Variants in HNRNPD observed in about 807,000 individuals in gnomAD.
HNRNPD encodes the protein heterogeneous nuclear ribonucleoprotein D0.
In HNRNPD, 3 loss-of-function variants were observed where a neutral mutation model predicts 47.9. The observed-to-expected ratio is 0.06, with a 90% CI of 0.03 to 0.16. The LOEUF (loss-of-function observed/expected upper bound fraction) is 0.16. Among genes scored for constraint, HNRNPD ranks in the 10% least tolerant of loss-of-function variants. The pLI, the probability that HNRNPD is intolerant of heterozygous loss-of-function variation, is 1.00. For synonymous variants in HNRNPD, 171 were observed against 165.1 expected (o/e 1.04, Z -0.28); for missense variants, 287 against 454.2 (o/e 0.63, Z 3.35).
At chr4:82,370,979 T>TATAC (rs1268451054) in intron 2 of HNRNPD, among the ~76,000 whole-genome samples, 1 of 78,200 alleles carries the variant, frequency 1.3e-5, no homozygotes, top group South Asian at 5.4e-4. Context: ...ATGGTATATA[T>TATAC]ATACACACAC....
In HNRNPD at chr4:82,373,837, C is replaced by T. The variant is rs1720282146; in HGVS notation, c.-159G>A. The T allele has an allele frequency of 6.9e-7, 1 of 1,457,028 alleles. No individual in the cohort carries two copies. Among genetic ancestry groups the T allele is most frequent in the South Asian group, 1.3e-5 (1 of 75,784 alleles). The allele number at this position is 1,457,028 out of a possible 1,614,324, so 90.3% of individuals were successfully genotyped here. A position where few individuals can be genotyped will look rare whatever the true frequency, so the allele number is the denominator to read the frequency against. The stretch of plus-strand genomic sequence containing the variant: ...GCGCGTGGCTGCAAAGGCTCCTGCG[C>T]CTCTCCCTGGCCTGCCCCCTTCGCC... On this transcript the variant is annotated 5_prime_UTR_variant, in exon 1 of 9. Transcript: ENST00000313899.
chr4:82,355,527 CCT>C (rs1723678644), intron 7 of HNRNPD, 126 bp from the exon 8 acceptor site: 4 of 671,620 alleles, frequency 6.0e-6, no homozygotes, highest in Admixed American at 5.6e-5. Flanking sequence ...AAAAATTCAC[CCT>C]GAGCAATCAT....
chr4:82,355,145 G>C, intron 8 of HNRNPD, 159 bp downstream of exon 8: 1 of 604,494 alleles, frequency 1.7e-6, no homozygotes, highest in Non-Finnish European at 2.9e-6. Flanking sequence ...AAAAGCTTAA[G>C]AGCACCTGTG....
chr4:82,355,376 T>C lies in HNRNPD; in HGVS notation c.1026A>G (p.Val342=). 1 of 1,613,754 alleles carries C rather than the reference T, an allele frequency of 6.2e-7. No individual in the cohort carries two copies. The highest frequency in any genetic ancestry group is 8.5e-7 in the Non-Finnish European group (1 of 1,179,754). The change falls in exon 8 of 9, where the codon GTA becomes GTG. Residue 342 remains valine (V), a synonymous_variant. Transcript: ENST00000313899. ...TATTTTGATGACCACCTCGCCTGGA[T>C]ACCTTCCCATAACCACTCTGCTGGT... The part of the protein sequence containing the change: ...YSNQQSGYGK[V]SRRGGHQNSY...
At chr4:82,367,365 T>C (rs1423449375) in intron 2 of HNRNPD, among the ~76,000 whole-genome samples, 3 of 152,192 alleles carry the variant, frequency 2.0e-5, no homozygotes, top group South Asian at 2.1e-4. Flanking sequence ...ATATTCACAA[T>C]TCTATAAAAC....
At chr4:82,370,981 T>TACACACACAC (rs1553896641) in intron 2 of HNRNPD, among the ~76,000 whole-genome samples, 8,625 of 149,396 alleles carry the variant, frequency 0.058, 303 homozygotes, top group Non-Finnish European at 0.089. Flanking sequence ...GGTATATATA[T>TACACACACAC]ACACACACAC....
In HNRNPD at chr4:82,353,414, A is replaced by G. The variant is rs1279137806; in HGVS notation, c.*771T>C. Reference sequence around the variant, plus strand: ...ACAGCTCTAAAAATCTCTCTGAACTAGCCGCATTTCTATTATAATTAACAG... The same window carrying G: ...ACAGCTCTAAAAATCTCTCTGAACTGGCCGCATTTCTATTATAATTAACAG... On this transcript the variant is annotated 3_prime_UTR_variant, in exon 9 of 9. Coordinates refer to ENST00000313899, the MANE Select transcript of HNRNPD (RefSeq NM_031370.3). The G allele has an allele frequency of 6.6e-6, 1 of 152,300 alleles. No homozygotes were observed. Among genetic ancestry groups the G allele is most frequent in the Non-Finnish European group, 1.5e-5 (1 of 68,020 alleles). The allele number at this position is 152,300 out of a possible 1,614,324, so 9.4% of individuals were successfully genotyped here. A position where few individuals can be genotyped will look rare whatever the true frequency, so the allele number is the denominator to read the frequency against.
chr4:82,365,916 T>C (rs1052984147), intron 2 of HNRNPD, among the ~76,000 whole-genome samples: 1 of 151,650 alleles, frequency 6.6e-6, no homozygotes, highest in Non-Finnish European at 1.5e-5. Context: ...AGCCCACTTT[T>C]TTTAACTATT....
At chr4:82,361,971 T>C (rs548854861) in intron 2 of HNRNPD, among the ~76,000 whole-genome samples, 30 of 152,356 alleles carry the variant, frequency 2.0e-4, no homozygotes, top group African/African-American at 6.7e-4. Context: ...CCAGCACTTT[T>C]GGAGAATAAG....
intron 4 of HNRNPD, 191 bp downstream of exon 4, chr4:82,358,468 C>A: frequency 1.8e-6 from 1 of 541,008 alleles, no homozygotes; most frequent in Non-Finnish European, 3.2e-6. Context: ...AGAGTAGGTG[C>A]TCAATGAGAA....
chr4:82,358,436 C>G (rs1405454755), intron 4 of HNRNPD: 1 of 421,824 alleles, frequency 2.4e-6, no homozygotes, highest in Non-Finnish European at 4.2e-6. Context: ...TTTGTATACT[C>G]TACCCCAGCA....
At chr4:82,373,352 G>T in intron 1 of HNRNPD, 94 bp downstream of exon 1, 2 of 1,472,832 alleles carry the variant, frequency 1.4e-6, no homozygotes, top group South Asian at 1.4e-5. Flanking sequence ...CCCGGAGAAC[G>T]GGCTGAGAGC....
At chr4:82,361,753 T>G (rs992902461) in intron 2 of HNRNPD, among the ~76,000 whole-genome samples, 3 of 152,196 alleles carry the variant, frequency 2.0e-5, no homozygotes, top group Non-Finnish European at 2.9e-5. Context: ...CCCAAATGTT[T>G]TTCAGACAAG....
chr4:82,373,667 C>T lies in HNRNPD; in HGVS notation c.12G>A (p.Glu4=). 3 of 1,529,460 alleles carry T rather than the reference C, an allele frequency of 2.0e-6. No homozygotes were observed. The highest frequency in any genetic ancestry group is 2.6e-6 in the Non-Finnish European group (3 of 1,144,660). 94.7% of individuals were successfully genotyped at this position (1,529,460 alleles called of 1,614,324 possible). A position where few individuals can be genotyped will look rare whatever the true frequency, so the allele number is the denominator to read the frequency against. ...CCGCCGCCCCGTCCCCGCCGAACTG[C>T]TCCTCCGACATAGTGCTAGTGTCTC... The part of the protein sequence containing the change: MSE[E]QFGGDGAAAA... The change falls in exon 1 of 9, where the codon GAG becomes GAA. Residue 4 remains glutamate (E), a synonymous_variant. Transcript: ENST00000313899.
chr4:82,372,469 T>G (rs748977299), intron 1 of HNRNPD, among the ~76,000 whole-genome samples: 9 of 151,770 alleles, frequency 5.9e-5, no homozygotes, highest in Non-Finnish European at 1.3e-4. Context: ...CCTCCCTTAG[T>G]GGGCGGGAAA....
At chr4:82,363,699 A>C (rs1232460715) in intron 2 of HNRNPD, among the ~76,000 whole-genome samples, 1 of 152,182 alleles carries the variant, frequency 6.6e-6, no homozygotes, top group Non-Finnish European at 1.5e-5. Flanking sequence ...GAGTATCTTA[A>C]TCCTAGCTGT....
At chr4:82,368,454 C>A (rs1719873715) in intron 2 of HNRNPD, among the ~76,000 whole-genome samples, 1 of 152,090 alleles carries the variant, frequency 6.6e-6, no homozygotes, top group Non-Finnish European at 1.5e-5. Context: ...CAAAAACAAG[C>A]ACTGAAAAAC....
rs768748551 is a variant in HNRNPD at position 82,356,845 on chromosome 4, C to G, written c.804G>C (p.Gln268His). ...MSKEQYQQQQQWGSRGGFAGR... is the reference protein window; with the variant it reads ...MSKEQYQQQQHWGSRGGFAGR... ...CTGCAAATCCTCCTCTAGATCCCCACTGTTGCTGTTGCTGATATTGTTCCT... is the reference window on the plus strand; with the variant it reads ...CTGCAAATCCTCCTCTAGATCCCCAGTGTTGCTGTTGCTGATATTGTTCCT... Residue 268 changes from glutamine (Q) to histidine (H), a missense_variant, in exon 6 of 9, where the codon CAG (glutamine) becomes CAC (histidine). Physicochemically the swap from Gln to His is conservative, Grantham distance 24 (BLOSUM62 0). Transcript: ENST00000313899. 6.2e-7 allele frequency: 1 copy of G among 1,614,178 alleles called. No individual in the cohort carries two copies. The highest frequency in any genetic ancestry group is 8.5e-7 in the Non-Finnish European group (1 of 1,180,002).
intron 1 of HNRNPD, among the ~76,000 whole-genome samples, chr4:82,372,440 C>A (rs541062646): frequency 6.6e-6 from 1 of 152,094 alleles, no homozygotes; most frequent in Non-Finnish European, 1.5e-5. Flanking sequence ...GGATTTGTTT[C>A]TCTTAAGAGG....
Sources: gnomAD v4.1 joint callset for allele counts (sites outside exome capture counted in the v4.1 genomes callset) on GRCh38, gnomAD v4.1.1 for gene constraint, MANE v1.5 for transcripts, NCBI Gene and HGNC (gene_info 2026-07-23, HGNC 2026-07-21) for gene names.